Variants in ITGBL1 observed in about 807,000 individuals in gnomAD.
ITGBL1 encodes the protein integrin beta-like protein 1.
Under a neutral mutation model 68.5 loss-of-function variants are expected in ITGBL1, and 51 were observed. The observed-to-expected ratio is 0.74, with a 90% CI of 0.59 to 0.94. ITGBL1 has a LOEUF of 0.94. Ranked by LOEUF, ITGBL1 falls within the 40% of genes least tolerant of loss-of-function variation. ITGBL1 has a pLI of 0.00. For missense variants in ITGBL1, 649 were observed against 647.4 expected, an observed-to-expected ratio of 1.00 and a Z score of -0.03; for synonymous variants, 209 against 227.3, an observed-to-expected ratio of 0.92 and a Z score of 0.72.
chr13:101,595,955 T>C (rs2029937699), intron 6 of ITGBL1, among the ~76,000 whole-genome samples: 1 of 152,112 alleles, frequency 6.6e-6, no homozygotes, highest in Admixed American at 6.6e-5. Flanking sequence ...TGTTGTAAGA[T>C]GAATGGGTAA....
At chr13:101,521,506 A>G (rs1226915773) in intron 2 of ITGBL1, among the ~76,000 whole-genome samples, 3 of 152,172 alleles carry the variant, frequency 2.0e-5, no homozygotes, top group African/African-American at 7.2e-5. Flanking sequence ...CCAGGGAACA[A>G]GACAGAGACC....
intron 2 of ITGBL1, among the ~76,000 whole-genome samples, chr13:101,505,279 A>G (rs1259343384): frequency 2.0e-5 from 3 of 152,202 alleles, no homozygotes; most frequent in Admixed American, 1.3e-4. Context: ...TTCCTGTAGT[A>G]GAAGTGTGCA....
intron 6 of ITGBL1, among the ~76,000 whole-genome samples, chr13:101,593,473 C>A (rs61976184): frequency 0.14 from 21,301 of 151,814 alleles, 1,836 homozygotes; most frequent in South Asian, 0.23. Flanking sequence ...TATCTGTACC[C>A]CTTTATTGCA....
intron 7 of ITGBL1, among the ~76,000 whole-genome samples, chr13:101,685,037 T>C (rs184269016): frequency 9.2e-5 from 14 of 152,098 alleles, no homozygotes; most frequent in African/African-American, 2.9e-4. Flanking sequence ...TTATTTTCCA[T>C]AGATACACAC....
At chr13:101,589,821 C>T (rs977860587) in intron 6 of ITGBL1, among the ~76,000 whole-genome samples, 7 of 152,246 alleles carry the variant, frequency 4.6e-5, no homozygotes, top group African/African-American at 1.7e-4. Flanking sequence ...AGGTGAAGCA[C>T]GCATTTAGAA....
At chr13:101,456,313 GA>G (rs971386533) in intron 2 of ITGBL1, among the ~76,000 whole-genome samples, 7 of 152,298 alleles carry the variant, frequency 4.6e-5, no homozygotes, top group African/African-American at 1.7e-4. Context: ...CAAATGCCCT[GA>G]CCACGTTTGT....
chr13:101,502,286 G>A (rs1348992644), intron 2 of ITGBL1, among the ~76,000 whole-genome samples: 1 of 152,158 alleles, frequency 6.6e-6, no homozygotes, highest in Admixed American at 6.6e-5. Flanking sequence ...GTTATCAGAA[G>A]GTTGAATTCT....
chr13:101,591,931 G>C (rs1333286499), intron 6 of ITGBL1, among the ~76,000 whole-genome samples: 2 of 152,066 alleles, frequency 1.3e-5, no homozygotes, highest in African/African-American at 4.8e-5. Flanking sequence ...GGGAACTGAT[G>C]AATACAAAAA....
At chr13:101,696,376 G>A (rs2034002641) in intron 8 of ITGBL1, among the ~76,000 whole-genome samples, 3 of 152,160 alleles carry the variant, frequency 2.0e-5, no homozygotes, top group Admixed American at 1.3e-4. Context: ...TTTCTGTTTT[G>A]AGCAACTGAA....
chr13:101,491,663 A>G (rs1232565020), intron 2 of ITGBL1, among the ~76,000 whole-genome samples: 1 of 152,144 alleles, frequency 6.6e-6, no homozygotes, highest in Non-Finnish European at 1.5e-5. Flanking sequence ...GCTGGGATAC[A>G]TGAGCAGAAT....
At chr13:101,595,225 C>T (rs2029890977) in intron 6 of ITGBL1, among the ~76,000 whole-genome samples, 1 of 152,132 alleles carries the variant, frequency 6.6e-6, no homozygotes, top group African/African-American at 2.4e-5. Flanking sequence ...GGAGGCAGAG[C>T]TAGTGCATCA....
intron 2 of ITGBL1, among the ~76,000 whole-genome samples, chr13:101,491,647 T>C (rs1239474762): frequency 1.3e-5 from 2 of 152,152 alleles, no homozygotes; most frequent in Non-Finnish European, 2.9e-5. Context: ...AAATTATACT[T>C]TAAGTGCTGG....
At chr13:101,550,065 A>G (rs897507435) in intron 2 of ITGBL1, among the ~76,000 whole-genome samples, 1 of 152,194 alleles carries the variant, frequency 6.6e-6, no homozygotes, top group Non-Finnish European at 1.5e-5. Context: ...TACTATAGTC[A>G]CAAATTATGC....
intron 7 of ITGBL1, among the ~76,000 whole-genome samples, chr13:101,643,928 T>C (rs1357196440): frequency 6.6e-6 from 1 of 152,210 alleles, no homozygotes; most frequent in African/African-American, 2.4e-5. Flanking sequence ...TCTGGGGTTG[T>C]AAACTGGCGG....
rs914731396 is a variant in ITGBL1 at position 101,457,625 on chromosome 13, G to T, written c.316+3525G>T. Among the ~76,000 whole-genome samples, 3 of 152,180 alleles carry T rather than the reference G, an allele frequency of 2.0e-5. No individual in the cohort carries two copies. In the South Asian group the frequency reaches 6.2e-4, roughly 32 times the overall value. On this transcript the variant is annotated intron_variant, in intron 2 of 10. Transcript: ENST00000376180. ...GTCTATTAAGGGGTAAAATAATTTT[G>T]GTAGAATGGTGAAACCCTGTCTCTA...
intron 7 of ITGBL1, among the ~76,000 whole-genome samples, chr13:101,688,099 T>G (rs1398689950): frequency 2.6e-5 from 4 of 152,130 alleles, no homozygotes; most frequent in African/African-American, 4.8e-5. Context: ...TGGACTCAAT[T>G]TCTTATCTGA....
chr13:101,577,526 C>A (rs965053277), intron 4 of ITGBL1, among the ~76,000 whole-genome samples: 6 of 152,054 alleles, frequency 3.9e-5, no homozygotes, highest in Admixed American at 3.9e-4. Flanking sequence ...CTTAGTAAAA[C>A]CCTAATTCAG....
Position 101,618,285 on chromosome 13 carries a change from T to C in ITGBL1, c.1015+19986T>C, listed in dbSNP as rs536809674. Among the ~76,000 whole-genome samples the C allele has an allele frequency of 2.6e-5, 4 of 152,304 alleles. No homozygotes were observed. In the South Asian group the frequency reaches 8.3e-4, roughly 32 times the overall value. On this transcript the variant is annotated intron_variant, in intron 7 of 10. Coordinates refer to ENST00000376180, the MANE Select transcript of ITGBL1 (RefSeq NM_004791.3). Reference sequence around the variant, plus strand: ...TCAAAGACTTAGCAACAAAAAGCTATGGTGTTGCTGGTACCAGATCACACT... The same window carrying C: ...TCAAAGACTTAGCAACAAAAAGCTACGGTGTTGCTGGTACCAGATCACACT...
chr13:101,540,357 G>A (rs1169951595), intron 2 of ITGBL1, among the ~76,000 whole-genome samples: 9 of 152,182 alleles, frequency 5.9e-5, no homozygotes, highest in African/African-American at 2.2e-4. Flanking sequence ...AAGATCAGAT[G>A]GTTGTAGATA....
Sources: allele counts gnomAD v4.1 joint callset (sites outside exome capture counted in the v4.1 genomes callset), GRCh38; gene constraint gnomAD v4.1.1; transcripts MANE v1.5; gene names NCBI Gene and HGNC (gene_info 2026-07-23, HGNC 2026-07-21).